CLIP1: variants seen among roughly 807,000 people sequenced by gnomAD.
CLIP1 encodes CAP-Gly domain-containing linker protein 1.
CLIP1 carries 66 observed loss-of-function variants against 161.6 expected under a neutral mutation model. The observed-to-expected ratio is 0.41, with a 90% CI of 0.33 to 0.50. The LOEUF (loss-of-function observed/expected upper bound fraction) is 0.50. Ranked by LOEUF, CLIP1 falls within the 20% of genes least tolerant of loss-of-function variation. The pLI, the probability that CLIP1 is intolerant of heterozygous loss-of-function variation, is 0.27. For synonymous variants in CLIP1, 598 were observed against 626.2 expected (o/e 0.96, Z 0.67); for missense variants, 1,376 against 1,702.0 (o/e 0.81, Z 3.37).
At chr12:122,276,206 A>C in intron 24 of CLIP1, among the ~76,000 whole-genome samples, 1 of 152,178 alleles carries the variant, frequency 6.6e-6, no homozygotes, top group East Asian at 1.9e-4. Flanking sequence ...CAAAGTTAGC[A>C]ATCACTGCAG....
chr12:122,319,245 T>C lies in CLIP1; in HGVS notation c.3353A>G (p.Lys1118Arg), dbSNP rs776369852. ...SLEDTKQTNA[K>R]LQNELDTLKE... ...AAATCTGATTACTTCATTCTGTAGTTTTGCATTTGTTTGCTTGGTGTCCTC... is the reference window on the plus strand; with the variant it reads ...AAATCTGATTACTTCATTCTGTAGTCTTGCATTTGTTTGCTTGGTGTCCTC... Residue 1118 changes from lysine (K) to arginine (R), a missense_variant, in exon 18 of 26, where the codon AAA becomes AGA. Physicochemically the swap from Lys to Arg is conservative, Grantham distance 26. Coordinates refer to ENST00000620786, the MANE Select transcript of CLIP1 (RefSeq NM_001247997.2). 1.2e-6 allele frequency: 2 copies of C among 1,608,318 alleles called. No individual in the cohort carries two copies. The highest frequency in any genetic ancestry group is 1.1e-5 in the South Asian group (1 of 90,954).
intron 10 of CLIP1, among the ~76,000 whole-genome samples, chr12:122,345,116 T>A (rs1418770260): frequency 6.6e-6 from 1 of 152,034 alleles, no homozygotes; most frequent in Non-Finnish European, 1.5e-5. Context: ...ATTAGTCCAT[T>A]GTATTTCCCG....
At chr12:122,347,021 T>G (rs984925193) in intron 10 of CLIP1, among the ~76,000 whole-genome samples, 1 of 152,314 alleles carries the variant, frequency 6.6e-6, no homozygotes, top group Middle Eastern at 3.4e-3. Flanking sequence ...TAACTAGATA[T>G]TTGAGAACAA....
At chr12:122,390,399 C>T (rs1223320273) in intron 1 of CLIP1, among the ~76,000 whole-genome samples, 3 of 149,560 alleles carry the variant, frequency 2.0e-5, no homozygotes, top group African/African-American at 7.4e-5. Flanking sequence ...GCAACCTCCA[C>T]CTCCTGGGTT....
intron 3 of CLIP1, 47 bp from the exon 4 acceptor site, chr12:122,364,154 G>C: frequency 2.5e-6 from 4 of 1,611,392 alleles, no homozygotes; most frequent in Non-Finnish European, 3.4e-6. Flanking sequence ...TCACTCTATA[G>C]CTTAATCGTT....
intron 1 of CLIP1, chr12:122,399,875 CG>C (rs1956082284): frequency 6.6e-6 from 1 of 152,102 alleles, no homozygotes; most frequent in Non-Finnish European, 1.5e-5. Context: ...AGGGGAGAGA[CG>C]TTCTGAGAGC....
chr12:122,298,499 G>A (rs959653531), intron 20 of CLIP1, among the ~76,000 whole-genome samples: 12 of 151,484 alleles, frequency 7.9e-5, no homozygotes, highest in Non-Finnish European at 1.8e-4. Context: ...AGCTACTAGG[G>A]AGGCTGAGGC....
At chr12:122,295,351 C>G (rs570815709) in intron 20 of CLIP1, among the ~76,000 whole-genome samples, 42 of 152,266 alleles carry the variant, frequency 2.8e-4, no homozygotes, top group African/African-American at 9.6e-4. Context: ...GCCTGGGGAA[C>G]AGAGTGAGAC....
Position 122,413,272 on chromosome 12 carries a change from G to A in CLIP1, c.-107+9249C>T, listed in dbSNP as rs886567583. 2.0e-5 allele frequency among the ~76,000 whole-genome samples: 3 copies of A among 152,092 alleles called. No individual in the cohort carries two copies. In the East Asian group the frequency reaches 5.8e-4, roughly 29 times the overall value. ...ACTCTTATCTTTCCTGAGAAGAGGG[G>A]GAGAATATGCCAAATATTTCACTAC... On this transcript the variant is annotated intron_variant, in intron 1 of 25. Coordinates refer to ENST00000620786, the MANE Select transcript of CLIP1 (RefSeq NM_001247997.2).
chr12:122,419,683 C>A (rs564842504), intron 1 of CLIP1, among the ~76,000 whole-genome samples: 1 of 152,002 alleles, frequency 6.6e-6, no homozygotes, highest in Admixed American at 6.6e-5. Context: ...TGCCTGTAAT[C>A]CCAGCACTTT....
chr12:122,342,413 CG>C (rs1952548287), intron 10 of CLIP1: 1 of 152,158 alleles, frequency 6.6e-6, no homozygotes, highest in Non-Finnish European at 1.5e-5. Context: ...CTGTGCCATC[CG>C]GAACAGTAGC....
chr12:122,405,241 GC>G (rs11358763), intron 1 of CLIP1, among the ~76,000 whole-genome samples: 11,841 of 152,108 alleles, frequency 0.078, 1,502 homozygotes, highest in African/African-American at 0.27. Flanking sequence ...GGCTCCTGTT[GC>G]CGTCATTGCC....
chr12:122,387,563 TATATATATATATATATATATA>T lies in CLIP1; in HGVS notation c.-106-7026_-106-7006del, dbSNP rs1566209053. Among the ~76,000 whole-genome samples, 5 of 9,322 alleles carry T rather than the reference TATATATATATATATATATATA, an allele frequency of 5.4e-4. No individual in the cohort carries two copies. The East Asian group carries it at 0.022, about 42-fold the overall frequency. The allele number at this position is 9,322 out of a possible 152,430, so 6.1% of individuals were successfully genotyped here. On this transcript the variant is annotated intron_variant, in intron 1 of 25. Transcript: ENST00000620786. ...ATGCCTTTTCATATATATATATATA[TATATATATATATATATATATA>T]TATATATTTTTTTTTTTTTTTTTTT...
intron 17 of CLIP1, among the ~76,000 whole-genome samples, chr12:122,327,046 A>G (rs1241924792): frequency 6.6e-6 from 1 of 152,208 alleles, no homozygotes; most frequent in Non-Finnish European, 1.5e-5. Flanking sequence ...CTAAACTCCT[A>G]TAAACACATT....
chr12:122,278,383 G>T, intron 23 of CLIP1, 180 bp from the exon 24 acceptor site: 2 of 631,858 alleles, frequency 3.2e-6, no homozygotes, highest in Non-Finnish European at 5.5e-6. Context: ...GACCCTACAG[G>T]GTCTCACAGA....
chr12:122,306,998 C>CTTTTTTTTTTTT (rs56949793), intron 20 of CLIP1, among the ~76,000 whole-genome samples: 1 of 81,000 alleles, frequency 1.2e-5, no homozygotes, highest in Non-Finnish European at 2.2e-5. Context: ...GGTAAGTTCA[C>CTTTTTTTTTTTT]TTTTTTTTTT....
At chr12:122,335,898 G>A (rs142015686) in intron 12 of CLIP1, among the ~76,000 whole-genome samples, 1 of 152,008 alleles carries the variant, frequency 6.6e-6, no homozygotes, top group Non-Finnish European at 1.5e-5. Flanking sequence ...TGGAGGACCT[G>A]GGACAGCTGA....
intron 2 of CLIP1, 70 bp from the exon 3 acceptor site, chr12:122,378,030 T>A: frequency 2.2e-6 from 3 of 1,369,554 alleles, no homozygotes; most frequent in South Asian, 2.8e-5. Flanking sequence ...AAAGAAAAAC[T>A]AGAGAAAGCC....
Position 122,311,432 on chromosome 12 carries a change from T to A in CLIP1, c.3474-1550A>T, listed in dbSNP as rs7955876. The stretch of plus-strand genomic sequence containing the variant: ...AAACAAAATTATTATTATTATTATT[T>A]TTTTTTTTTTGAGACAGAGTCTCGC... On this transcript the variant is annotated intron_variant, in intron 19 of 25. Coordinates refer to ENST00000620786, the MANE Select transcript of CLIP1 (RefSeq NM_001247997.2). The surrounding 1 kb of genome is among the most constrained non-coding windows in gnomAD (Gnocchi z 4.3). 0.49 allele frequency among the ~76,000 whole-genome samples: 72,561 copies of A among 147,550 alleles called. 19,331 individuals carry two copies. Among genetic ancestry groups the A allele is most frequent in the Admixed American group, 0.6 (8,844 of 14,816 alleles).
Sources: gnomAD v4.1 joint callset for allele counts (sites outside exome capture counted in the v4.1 genomes callset) on GRCh38, gnomAD v4.1.1 for gene constraint, Gnocchi (gnomAD v3.1) non-coding constraint, MANE v1.5 for transcripts, NCBI Gene and HGNC (gene_info 2026-07-23, HGNC 2026-07-21) for gene names.